SLIT3: variants seen among roughly 807,000 people sequenced by gnomAD.
SLIT3 encodes the protein slit guidance ligand 3.
SLIT3 carries 68 observed loss-of-function variants against 184.0 expected under a neutral mutation model. The observed-to-expected ratio is 0.37, with a 90% CI of 0.30 to 0.45. The LOEUF is 0.45. SLIT3 is among the 20% of genes least tolerant of loss of function. The pLI, the probability that SLIT3 is intolerant of heterozygous loss-of-function variation, is 1.00. For synonymous variants in SLIT3, 831 were observed against 828.6 expected, an observed-to-expected ratio of 1.00 and a Z score of -0.05; for missense variants, 1,707 against 2,026.0, an observed-to-expected ratio of 0.84 and a Z score of 3.02.
intron 3 of SLIT3, among the ~76,000 whole-genome samples, chr5:169,217,677 C>T (rs935539886): frequency 6.6e-6 from 1 of 152,172 alleles, no homozygotes; most frequent in Non-Finnish European, 1.5e-5. Context: ...CAGTAGGCAA[C>T]GAACCAGTAA....
chr5:168,979,192 G>C (rs1390013665), intron 4 of SLIT3, among the ~76,000 whole-genome samples: 1 of 152,182 alleles, frequency 6.6e-6, no homozygotes, highest in Non-Finnish European at 1.5e-5. Flanking sequence ...TCATGCTTCG[G>C]GGTTGCTCTC....
In SLIT3 at chr5:169,288,922, G is replaced by T. The variant is rs1767249085; in HGVS notation, c.197+11591C>A. On this transcript the variant is annotated intron_variant, in intron 1 of 35. Transcript: ENST00000519560. The stretch of plus-strand genomic sequence containing the variant: ...TGAGTTTCTTCATCTGTAAATGAAA[G>T]CTTCTAAAATATACCCTGATCGTCT... 2.0e-5 allele frequency among the ~76,000 whole-genome samples: 3 copies of T among 152,238 alleles called. No individual in the cohort carries two copies. The South Asian group carries it at 6.2e-4, about 31-fold the overall frequency.
chr5:168,946,694 C>T (rs1023161585), intron 4 of SLIT3, among the ~76,000 whole-genome samples: 3 of 152,162 alleles, frequency 2.0e-5, no homozygotes, highest in African/African-American at 4.8e-5. Flanking sequence ...ATCCCCTCTG[C>T]GGCCTGCCTG....
chr5:169,251,082 G>A (rs1431986268), intron 2 of SLIT3, among the ~76,000 whole-genome samples: 1 of 152,198 alleles, frequency 6.6e-6, no homozygotes, highest in East Asian at 1.9e-4. Flanking sequence ...AGGGAAGCAT[G>A]GTTAGTCAAC....
In SLIT3 at chr5:169,067,610, G is replaced by A. The variant is rs368767217; in HGVS notation, c.413+125869C>T. 8.5e-5 allele frequency among the ~76,000 whole-genome samples: 13 copies of A among 152,264 alleles called. No individual in the cohort carries two copies. In the South Asian group the frequency reaches 2.7e-3, roughly 32 times the overall value. On this transcript the variant is annotated intron_variant, in intron 4 of 35. Coordinates refer to ENST00000519560, the MANE Select transcript of SLIT3 (RefSeq NM_003062.4). ...GCCTTTTGCAGCTCATAAACCTCCT[G>A]CTACTTGGGCATCCTGACTTATGCC... is the stretch of plus-strand genomic sequence containing the variant.
intron 5 of SLIT3, among the ~76,000 whole-genome samples, chr5:168,871,979 G>T (rs1196933754): frequency 6.6e-6 from 1 of 152,168 alleles, no homozygotes; most frequent in South Asian, 2.1e-4. Flanking sequence ...AATGGGCAGG[G>T]TCTTTGGACC....
intron 19 of SLIT3, among the ~76,000 whole-genome samples, 159 bp downstream of exon 19, chr5:168,749,313 T>C (rs1167564021): frequency 1.3e-5 from 2 of 152,250 alleles, no homozygotes; most frequent in Admixed American, 6.5e-5. Context: ...GAAGGAGCCA[T>C]GTGGGCTAGT....
At chr5:169,206,894 GT>G (rs1010745370) in intron 3 of SLIT3, among the ~76,000 whole-genome samples, 2 of 151,880 alleles carry the variant, frequency 1.3e-5, no homozygotes, top group Non-Finnish European at 2.9e-5. Flanking sequence ...CAGGTCCAAG[GT>G]TTTTTTGTTA....
At chr5:169,132,694 A>G (rs1024290916) in intron 4 of SLIT3, among the ~76,000 whole-genome samples, 2 of 152,202 alleles carry the variant, frequency 1.3e-5, no homozygotes, top group Non-Finnish European at 2.9e-5. Flanking sequence ...TGTCTATTCT[A>G]TTTTCCTGAG....
At chr5:169,284,761 T>C (rs1480279414) in intron 1 of SLIT3, among the ~76,000 whole-genome samples, 2 of 152,242 alleles carry the variant, frequency 1.3e-5, no homozygotes, top group Non-Finnish European at 2.9e-5. Context: ...TCACAATATC[T>C]GTAATTTAGT....
intron 32 of SLIT3, among the ~76,000 whole-genome samples, chr5:168,675,140 G>T (rs1286948967): frequency 2.6e-5 from 4 of 152,176 alleles, no homozygotes; most frequent in African/African-American, 9.7e-5. Flanking sequence ...TGGGGAATGT[G>T]ACACCTCTTC....
chr5:168,941,307 G>A (rs892160839), intron 4 of SLIT3, among the ~76,000 whole-genome samples: 28 of 152,124 alleles, frequency 1.8e-4, no homozygotes, highest in African/African-American at 5.3e-4. Flanking sequence ...CAGCAGAATC[G>A]AAGTCAGAGC....
At chr5:168,788,415 C>T (rs924263330) in intron 11 of SLIT3, among the ~76,000 whole-genome samples, 1 of 152,196 alleles carries the variant, frequency 6.6e-6, no homozygotes, top group African/African-American at 2.4e-5. Flanking sequence ...TGGTTACCTG[C>T]CCACTCAAAT....
chr5:168,912,369 G>A (rs1447678757), intron 4 of SLIT3, among the ~76,000 whole-genome samples: 1 of 152,170 alleles, frequency 6.6e-6, no homozygotes, highest in Non-Finnish European at 1.5e-5. Context: ...ATTTTCTACT[G>A]TGCAGGAGGG....
At chr5:169,192,370 C>T (rs1239769650) in intron 4 of SLIT3, among the ~76,000 whole-genome samples, 1 of 151,868 alleles carries the variant, frequency 6.6e-6, no homozygotes, top group African/African-American at 2.4e-5. Context: ...CAACCCTTGC[C>T]TGTTCTTGTT....
chr5:169,124,960 T>C (rs951108452), intron 4 of SLIT3, among the ~76,000 whole-genome samples: 2 of 152,214 alleles, frequency 1.3e-5, no homozygotes, highest in African/African-American at 4.8e-5. Context: ...AATCCTATGG[T>C]TGGAACTTCA....
intron 4 of SLIT3, among the ~76,000 whole-genome samples, chr5:168,956,465 C>T (rs1178651645): frequency 6.6e-6 from 1 of 152,170 alleles, no homozygotes; most frequent in East Asian, 1.9e-4. Context: ...TTACCTTTTA[C>T]CTACAATGAG....
At chr5:168,722,190 G>C (rs1762963479) in intron 23 of SLIT3, 66 bp downstream of exon 23, 2 of 1,421,576 alleles carry the variant, frequency 1.4e-6, no homozygotes, top group African/African-American at 2.8e-5. Flanking sequence ...GAAGGGGAGT[G>C]CTTAGTCTGC....
Position 169,251,478 on chromosome 5 carries a change from T to C in SLIT3, c.198-19A>G. The C allele has an allele frequency of 6.4e-7, 1 of 1,574,514 alleles. No individual in the cohort carries two copies. The highest frequency in any genetic ancestry group is 1.1e-5 in the South Asian group (1 of 90,302). Reference sequence around the variant, plus strand: ...CAGGTCACTGCAATGGAGAGCAAATTCAGGTCAGATTTTTGTGGGTTACAA... The same window carrying C: ...CAGGTCACTGCAATGGAGAGCAAATCCAGGTCAGATTTTTGTGGGTTACAA... On this transcript the variant is annotated intron_variant, in intron 1 of 35. Coordinates refer to ENST00000519560, the MANE Select transcript of SLIT3 (RefSeq NM_003062.4).
Sources: allele counts gnomAD v4.1 joint callset (sites outside exome capture counted in the v4.1 genomes callset), GRCh38; gene constraint gnomAD v4.1.1; transcripts MANE v1.5; gene names NCBI Gene and HGNC (gene_info 2026-07-23, HGNC 2026-07-21).